SBK1: variants seen among roughly 807,000 people sequenced by gnomAD.
The protein encoded by SBK1 is SH3 domain binding kinase 1, also known as serine/threonine-protein kinase SBK1.
A neutral mutation model predicts 24.4 loss-of-function variants in SBK1; 11 were observed. That is an observed-to-expected ratio of 0.45 (90% CI 0.28 to 0.75). The LOEUF (loss-of-function observed/expected upper bound fraction) is 0.75, where lower values mean the gene tolerates loss of function less well. SBK1 is among the 30% of genes least tolerant of loss of function. The pLI is 0.12. For missense variants in SBK1, 467 were observed against 620.5 expected (o/e 0.75, Z 2.63); for synonymous variants, 308 against 284.4 (o/e 1.08, Z -0.83).
At chr16:28,310,941 C>T (rs2044749976) in intron 1 of SBK1, among the ~76,000 whole-genome samples, 1 of 152,180 alleles carries the variant, frequency 6.6e-6, no homozygotes. Flanking sequence ...CCCTGTGCCT[C>T]CGACGCCACG....
At chr16:28,266,755 A>T (rs1325507265) in intron 1 of SBK1, among the ~76,000 whole-genome samples, 3 of 147,782 alleles carry the variant, frequency 2.0e-5, no homozygotes, top group African/African-American at 7.6e-5. Flanking sequence ...TTTTAAAAAA[A>T]AAACAAAACA....
chr16:28,270,104 G>C (rs902900652), intron 1 of SBK1, among the ~76,000 whole-genome samples: 2 of 151,928 alleles, frequency 1.3e-5, no homozygotes, highest in African/African-American at 4.8e-5. Context: ...CTTGTGCTCT[G>C]TCGCCAGGCT....
chr16:28,299,406 C>G (rs577604737), intron 1 of SBK1, among the ~76,000 whole-genome samples: 33 of 152,132 alleles, frequency 2.2e-4, no homozygotes, highest in Non-Finnish European at 4.1e-4. Context: ...CTCAAGATTC[C>G]GTAGCTGGGA....
At chr16:28,288,627 C>T (rs370867974), upstream of SBK1, among the ~76,000 whole-genome samples, 8 of 152,214 alleles carry the variant, frequency 5.3e-5, no homozygotes, top group East Asian at 9.6e-4. Context: ...TGATGTGACC[C>T]GACCCTTCAG....
chr16:28,320,225 C>G lies in SBK1; in HGVS notation c.579C>G (p.Ala193=). ...FDRECRRVKL[A]DFGMTRRVGC... ...GCGAGTGCCGCCGCGTAAAGCTGGC[C>G]GACTTCGGCATGACGCGCCGCGTGG... is the stretch of plus-strand genomic sequence containing the variant. The change falls in exon 4 of 4, where the codon GCC becomes GCG. Residue 193 remains alanine (A), a synonymous_variant. Transcript: ENST00000341901. The surrounding 1 kb of genome is among the most constrained non-coding windows in gnomAD (Gnocchi z 8.5). 10 of 1,594,076 alleles carry G rather than the reference C, an allele frequency of 6.3e-6. No homozygotes were observed. Among genetic ancestry groups the G allele is most frequent in the Non-Finnish European group, 7.7e-6 (9 of 1,175,658 alleles).
At chr16:28,283,772 C>G (rs551216302) in intron 1 of SBK1, among the ~76,000 whole-genome samples, 16 of 152,266 alleles carry the variant, frequency 1.1e-4, no homozygotes, top group African/African-American at 3.9e-4. Flanking sequence ...GGGCATCATG[C>G]CAGACCCAGC....
intron 2 of SBK1, among the ~76,000 whole-genome samples, chr16:28,318,258 C>T (rs2044812219): frequency 6.6e-6 from 1 of 152,220 alleles, no homozygotes; most frequent in Non-Finnish European, 1.5e-5. Context: ...CAGCCAGGGG[C>T]TGGGGCTGTG....
At position 28,321,345 on chromosome 16, in the gene SBK1, C is replaced by T. The variant is rs138238395; in HGVS notation, c.*424C>T. The T allele has an allele frequency of 5.5e-3, 846 of 154,466 alleles. 4 individuals carry two copies. The highest frequency in any genetic ancestry group is 0.018 in the African/African-American group (737 of 41,566). The allele number at this position is 154,466 out of a possible 1,614,324, so 9.6% of individuals were successfully genotyped here. On this transcript the variant is annotated 3_prime_UTR_variant, in exon 4 of 4. Coordinates refer to ENST00000341901, the MANE Select transcript of SBK1 (RefSeq NM_001024401.3). ...CCATACCCCCTGGCAGATCATCCTG[C>T]GGTCCCACCCCAGATCCCCTCCTCC...
chr16:28,288,491 C>A (rs377569573), upstream of SBK1, among the ~76,000 whole-genome samples: 3 of 152,178 alleles, frequency 2.0e-5, no homozygotes, highest in Non-Finnish European at 2.9e-5. Flanking sequence ...CATGCTAGAG[C>A]CCCCGCCTCC....
chr16:28,284,445 G>T (rs970796847), intron 1 of SBK1, among the ~76,000 whole-genome samples: 141 of 152,346 alleles, frequency 9.3e-4, no homozygotes, highest in Non-Finnish European at 7.2e-4. Context: ...GCGGGGTCAG[G>T]ACCCATCAGA....
chr16:28,306,361 C>A (rs1342376841), intron 1 of SBK1, among the ~76,000 whole-genome samples: 1 of 152,216 alleles, frequency 6.6e-6, no homozygotes, highest in Admixed American at 6.5e-5. Context: ...TGCCTAAAGC[C>A]AATTATACTC....
intron 1 of SBK1, among the ~76,000 whole-genome samples, chr16:28,307,754 A>AAAG (rs1226264245): frequency 6.6e-6 from 1 of 151,596 alleles, no homozygotes; most frequent in Non-Finnish European, 1.5e-5. Flanking sequence ...AAAAAAAAAA[A>AAAG]AAGAAGAAAG....
At chr16:28,312,681 G>T (rs766821112) in intron 1 of SBK1, among the ~76,000 whole-genome samples, 1 of 152,212 alleles carries the variant, frequency 6.6e-6, no homozygotes, top group Non-Finnish European at 1.5e-5. Context: ...AAAGACAGTT[G>T]CTGGAGAGGA....
Position 28,317,897 on chromosome 16 carries a change from G to A in SBK1, c.226+280G>A, listed in dbSNP as rs2044809476. The stretch of plus-strand genomic sequence containing the variant: ...GGGGTGACTTTGAGACAGCCAAGGG[G>A]CTGTGCCAGGAGTGTCTGGGGAGGG... On this transcript the variant is annotated intron_variant, in intron 2 of 3. Transcript: ENST00000341901. The surrounding 1 kb of genome is among the most constrained non-coding windows in gnomAD (Gnocchi z 4.2). 6.6e-6 allele frequency among the ~76,000 whole-genome samples: 1 copy of A among 151,942 alleles called. No individual in the cohort carries two copies. Among genetic ancestry groups the A allele is most frequent in the African/African-American group, 2.4e-5 (1 of 41,354 alleles).
chr16:28,276,226 GCAACGTCAGCAC>G (rs1208582264), intron 1 of SBK1, among the ~76,000 whole-genome samples: 1 of 152,212 alleles, frequency 6.6e-6, no homozygotes, highest in Non-Finnish European at 1.5e-5. Flanking sequence ...TCCACGGACA[GCAACGTCAGCAC>G]CCCTGGGGGC....
intron 1 of SBK1, among the ~76,000 whole-genome samples, chr16:28,276,045 G>A (rs1305139936): frequency 1.3e-5 from 2 of 152,238 alleles, no homozygotes; most frequent in South Asian, 2.1e-4. Flanking sequence ...CCACTGAAGC[G>A]GATGGAAGAA....
chr16:28,276,790 A>G (rs12448090), intron 1 of SBK1, among the ~76,000 whole-genome samples: 9,537 of 151,944 alleles, frequency 0.063, 571 homozygotes, highest in Admixed American at 0.19. Flanking sequence ...TCAGCCTCCC[A>G]AGTAGCTGGG....
chr16:28,269,384 T>C (rs564392766), intron 1 of SBK1, among the ~76,000 whole-genome samples: 181 of 151,846 alleles, frequency 1.2e-3, no homozygotes, highest in Admixed American at 1.9e-3. Context: ...CCATGACTAC[T>C]ACAGATGGGA....
At chr16:28,263,621 G>A (rs1217117838) in intron 1 of SBK1, among the ~76,000 whole-genome samples, 3 of 152,226 alleles carry the variant, frequency 2.0e-5, no homozygotes, top group African/African-American at 7.2e-5. Context: ...CCCATGGCGA[G>A]GAGATGGATT....
Sources: gnomAD v4.1 joint callset for allele counts (sites outside exome capture counted in the v4.1 genomes callset) on GRCh38, gnomAD v4.1.1 for gene constraint, Gnocchi (gnomAD v3.1) non-coding constraint, MANE v1.5 for transcripts, NCBI Gene and HGNC (gene_info 2026-07-23, HGNC 2026-07-21) for gene names.